NCKAP5: variants seen among roughly 807,000 people sequenced by gnomAD.
The protein encoded by NCKAP5 is nck-associated protein 5.
NCKAP5 carries 92 observed loss-of-function variants against 167.0 expected under a neutral mutation model. That is an observed-to-expected ratio of 0.55 (90% CI 0.47 to 0.66). The LOEUF (loss-of-function observed/expected upper bound fraction) is 0.66, where lower values mean the gene tolerates loss of function less well. Ranked by LOEUF, NCKAP5 falls within the 30% of genes least tolerant of loss-of-function variation. NCKAP5 has a pLI of 0.00. For missense variants in NCKAP5, 2,378 were observed against 2,315.0 expected, an observed-to-expected ratio of 1.03 and a Z score of -0.56; for synonymous variants, 891 against 877.4, an observed-to-expected ratio of 1.02 and a Z score of -0.27.
chr2:132,950,475 G>A lies in NCKAP5; in HGVS notation c.579+13245C>T, dbSNP rs550930951. 2.0e-5 allele frequency among the ~76,000 whole-genome samples: 3 copies of A among 152,246 alleles called. No individual in the cohort carries two copies. The South Asian group carries it at 6.2e-4, about 32-fold the overall frequency. ...TTATACCTTTGCAATGAGGCCCCTG[G>A]GATCAGTTTTCAGACACTGAGGATG... On this transcript the variant is annotated intron_variant, in intron 8 of 19. Transcript: ENST00000409261.
the NCKAP5 span, among the ~76,000 whole-genome samples, chr2:133,641,931 A>G: frequency 3.3e-5 from 5 of 152,124 alleles, no homozygotes; most frequent in Non-Finnish European, 1.5e-5. Context: ...AGTTTATTTC[A>G]TGTTCCTATA....
At chr2:133,448,086 C>A (rs1162869638) in intron 3 of NCKAP5, among the ~76,000 whole-genome samples, 1 of 152,196 alleles carries the variant, frequency 6.6e-6, no homozygotes, top group African/African-American at 2.4e-5. Flanking sequence ...GTGGGCTGAT[C>A]ATGTCCTAAG....
chr2:132,719,082 T>C (rs1479962751), intron 19 of NCKAP5, among the ~76,000 whole-genome samples: 1 of 152,066 alleles, frequency 6.6e-6, no homozygotes, highest in Admixed American at 6.5e-5. Context: ...ACAAAAGCCA[T>C]TCCAGGGAGG....
intron 5 of NCKAP5, among the ~76,000 whole-genome samples, chr2:133,189,335 A>G (rs2085099902): frequency 6.6e-6 from 1 of 152,190 alleles, no homozygotes; most frequent in African/African-American, 2.4e-5. Context: ...ATGGATTCAC[A>G]GCTGAATTCT....
intron 8 of NCKAP5, among the ~76,000 whole-genome samples, chr2:132,945,929 G>A (rs1405897567): frequency 1.3e-5 from 2 of 152,156 alleles, no homozygotes; most frequent in Non-Finnish European, 2.9e-5. Flanking sequence ...CTAAGGTGAT[G>A]TCCAGCATCA....
intron 4 of NCKAP5, among the ~76,000 whole-genome samples, chr2:133,255,176 C>T (rs2088554381): frequency 1.3e-5 from 2 of 152,040 alleles, no homozygotes; most frequent in Non-Finnish European, 2.9e-5. Context: ...ACATAAAGAA[C>T]TGCTGTTGAA....
chr2:132,806,653 G>A (rs1256077430), intron 11 of NCKAP5, among the ~76,000 whole-genome samples: 2 of 152,092 alleles, frequency 1.3e-5, no homozygotes, highest in South Asian at 2.1e-4. Context: ...TGAGTTCATT[G>A]TAGATTCAGG....
At chr2:133,496,437 C>T (rs1274085904) in intron 3 of NCKAP5, among the ~76,000 whole-genome samples, 5 of 152,126 alleles carry the variant, frequency 3.3e-5, no homozygotes, top group Admixed American at 6.5e-5. Flanking sequence ...TTTTATTCCT[C>T]TTGATTTTGC....
chr2:133,172,792 C>T (rs191420155), intron 5 of NCKAP5, among the ~76,000 whole-genome samples: 38 of 152,200 alleles, frequency 2.5e-4, no homozygotes, highest in Middle Eastern at 3.4e-3. Context: ...GGACTACAGG[C>T]GCCCACCAAC....
chr2:132,895,845 AC>A (rs796844494), intron 8 of NCKAP5, among the ~76,000 whole-genome samples: 175 of 151,424 alleles, frequency 1.2e-3, no homozygotes, highest in African/African-American at 4.0e-3. Flanking sequence ...AAAAAAAAAA[AC>A]ACAGTAGGCC....
chr2:133,084,994 G>T (rs543528215), intron 6 of NCKAP5, among the ~76,000 whole-genome samples: 2 of 152,228 alleles, frequency 1.3e-5, no homozygotes, highest in African/African-American at 4.8e-5. Context: ...GGCCACATAG[G>T]TAGGTCTCCT....
intron 4 of NCKAP5, among the ~76,000 whole-genome samples, chr2:133,220,898 C>T (rs371890339): frequency 1.3e-5 from 2 of 152,176 alleles, no homozygotes; most frequent in East Asian, 1.9e-4. Flanking sequence ...CATGGAGATG[C>T]TGTGTGCCCC....
chr2:133,630,178 T>C, the NCKAP5 span, among the ~76,000 whole-genome samples: 17 of 152,126 alleles, frequency 1.1e-4, no homozygotes, highest in Non-Finnish European at 2.2e-4. Context: ...GAAAATATTT[T>C]GCTAAGTGAA....
At chr2:133,010,809 T>C (rs1026432566) in intron 6 of NCKAP5, among the ~76,000 whole-genome samples, 1 of 152,194 alleles carries the variant, frequency 6.6e-6, no homozygotes, top group Non-Finnish European at 1.5e-5. Context: ...GAAAAGGATT[T>C]TGGAAATACA....
chr2:132,822,160 A>C lies in NCKAP5; in HGVS notation c.808-25431T>G, dbSNP rs561246605. 1.4e-3 allele frequency among the ~76,000 whole-genome samples: 212 copies of C among 152,216 alleles called. 1 individual carries two copies. The highest frequency in any genetic ancestry group is 4.8e-3 in the African/African-American group (201 of 41,544). ...CACCTTGATCCCAGGAAGAAGACAA[A>C]ACTTGATTCCACTGCCTGCAACACC... On this transcript the variant is annotated intron_variant, in intron 11 of 19. Transcript: ENST00000409261.
chr2:132,977,962 C>CA, intron 7 of NCKAP5, among the ~76,000 whole-genome samples: 1 of 152,288 alleles, frequency 6.6e-6, no homozygotes. Flanking sequence ...GTGGGATGTA[C>CA]ATTCTGACAA....
chr2:133,133,507 A>G (rs1439936183), intron 5 of NCKAP5, among the ~76,000 whole-genome samples: 1 of 152,226 alleles, frequency 6.6e-6, no homozygotes, highest in Non-Finnish European at 1.5e-5. Context: ...GAGTCTAAGC[A>G]GTGACATTAC....
intron 4 of NCKAP5, among the ~76,000 whole-genome samples, chr2:133,268,175 C>T (rs2089332399): frequency 6.6e-6 from 1 of 152,150 alleles, no homozygotes; most frequent in African/African-American, 2.4e-5. Context: ...TAAATTAGGG[C>T]TCAAATCATT....
chr2:132,907,814 T>C (rs534118388), intron 8 of NCKAP5, among the ~76,000 whole-genome samples: 2 of 152,008 alleles, frequency 1.3e-5, no homozygotes, highest in African/African-American at 4.8e-5. Flanking sequence ...CCCACCACCA[T>C]GCCCGGCTAA....
Sources: allele counts gnomAD v4.1 joint callset (sites outside exome capture counted in the v4.1 genomes callset), GRCh38; gene constraint gnomAD v4.1.1; transcripts MANE v1.5; gene names NCBI Gene and HGNC (gene_info 2026-07-23, HGNC 2026-07-21).